Variants in SHISA2 observed in about 807,000 individuals in gnomAD.
The protein encoded by SHISA2 is shisa family member 2, also known as protein shisa-2 homolog.
A neutral mutation model predicts 23.8 loss-of-function variants in SHISA2; 16 were observed. That is an observed-to-expected ratio of 0.67 (90% CI 0.46 to 1.02). The LOEUF (loss-of-function observed/expected upper bound fraction) is 1.02. Ranked by LOEUF, SHISA2 falls within the 50% of genes least tolerant of loss-of-function variation. The pLI, the probability that SHISA2 is intolerant of heterozygous loss-of-function variation, is 0.00. For missense variants in SHISA2, 459 were observed against 420.1 expected (o/e 1.09, Z -0.81); for synonymous variants, 201 against 178.6 (o/e 1.13, Z -1.00).
Position 26,045,723 on chromosome 13 carries a change from C to T in SHISA2, c.*790G>A, listed in dbSNP as rs901327419. ...GATGACTGATCTCACAGAGTTCAAA[C>T]AGGTTTCCTTTTAGAATAGTCCTGT... On this transcript the variant is annotated 3_prime_UTR_variant, in exon 2 of 2. Transcript: ENST00000319420. 2.0e-5 allele frequency: 3 copies of T among 151,860 alleles called. No individual in the cohort carries two copies. Among genetic ancestry groups the T allele is most frequent in the African/African-American group, 7.3e-5 (3 of 41,284 alleles). 9.4% of individuals were successfully genotyped at this position (151,860 alleles called of 1,614,324 possible).
rs1957300141 is a variant in SHISA2, at chr13:26,051,000, G to A, written c.-25C>T. On this transcript the variant is annotated 5_prime_UTR_variant, in exon 1 of 2. Coordinates refer to ENST00000319420, the MANE Select transcript of SHISA2 (RefSeq NM_001007538.2). ...TGGCACCACCCTGGGCGCGGACAGC[G>A]CGTCTCCAGAGAGCGCAGGACGGTC... The A allele has an allele frequency of 1.4e-6, 2 of 1,476,976 alleles. No homozygotes were observed. The highest frequency in any genetic ancestry group is 2.8e-5 in the East Asian group (1 of 35,774). 91.5% of individuals were successfully genotyped at this position (1,476,976 alleles called of 1,614,324 possible). A position where few individuals can be genotyped will look rare whatever the true frequency, so the allele number is the denominator to read the frequency against.
chr13:26,046,817 G>A lies in SHISA2; in HGVS notation c.584C>T (p.Ala195Val), dbSNP rs1484278155. ...CTGTGACCTTGTTGGGGGCGCCCGG[G>A]CCCCTGAGTTGGCGCTGGAGCTGGA... ...ASSSSSANSG[A>V]RAPPTRSQTN... Residue 195 changes from alanine (A) to valine (V), a missense_variant, in exon 2 of 2, where the codon GCC becomes GTC. Physicochemically the swap from Ala to Val is moderately conservative, Grantham distance 64. Coordinates refer to ENST00000319420, the MANE Select transcript of SHISA2 (RefSeq NM_001007538.2). 9 of 1,614,162 alleles carry A rather than the reference G, an allele frequency of 5.6e-6. No homozygotes were observed. Among genetic ancestry groups the A allele is most frequent in the Middle Eastern group, 1.6e-4 (1 of 6,062 alleles).
rs952767076 is a variant in SHISA2 at position 26,051,258 on chromosome 13, C to G, written c.-283G>C. On this transcript the variant is annotated 5_prime_UTR_variant, in exon 1 of 2. Coordinates refer to ENST00000319420, the MANE Select transcript of SHISA2 (RefSeq NM_001007538.2). ...TCTCGGGATGCAGTCAGAAGGCCCC[C>G]GGGGCTGTCGTCCGGAAGCCTCTGG... Among the ~76,000 whole-genome samples, 18 of 152,174 alleles carry G rather than the reference C, an allele frequency of 1.2e-4. No homozygotes were observed. The highest frequency in any genetic ancestry group is 4.1e-4 in the African/African-American group (17 of 41,452).
chr13:26,046,678 C>G lies in SHISA2; in HGVS notation c.723G>C (p.Gln241His). ...QATQIVPHQGQYLHPPYVGYT... is the reference protein window; with the variant it reads ...QATQIVPHQGHYLHPPYVGYT... ...ACCCCACGTATGGGGGATGCAGATACTGCCCTTGATGTGGCACAATCTGGG... is the reference window on the plus strand; with the variant it reads ...ACCCCACGTATGGGGGATGCAGATAGTGCCCTTGATGTGGCACAATCTGGG... The change falls in exon 2 of 2, where the codon CAG (glutamine) becomes CAC (histidine). Residue 241 changes from glutamine (Q) to histidine (H), a missense_variant. Physicochemically the swap from Gln to His is conservative, Grantham distance 24 (BLOSUM62 0). Transcript: ENST00000319420. The G allele has an allele frequency of 6.2e-7, 1 of 1,614,240 alleles. No homozygotes were observed. Among genetic ancestry groups the G allele is most frequent in the Non-Finnish European group, 8.5e-7 (1 of 1,180,042 alleles).
chr13:26,047,910 G>A (rs757416829), intron 1 of SHISA2, among the ~76,000 whole-genome samples: 7 of 152,092 alleles, frequency 4.6e-5, no homozygotes, highest in African/African-American at 1.2e-4. Flanking sequence ...ATAAAGCAAC[G>A]GCCATCACAC....
Position 26,050,829 on chromosome 13 carries a change from G to A in SHISA2, c.147C>T (p.Arg49=). 1 of 1,536,976 alleles carries A rather than the reference G, an allele frequency of 6.5e-7. No individual in the cohort carries two copies. The highest frequency in any genetic ancestry group is 1.2e-5 in the South Asian group (1 of 83,822). ...HGWLDAQGVW[R]IGFQCPERFD... ...AGCGCTCGGGACACTGGAAGCCGAT[G>A]CGCCAGACGCCCTGCGCGTCCAGCC... The change falls in exon 1 of 2, where the codon CGC becomes CGT. Residue 49 remains arginine, a synonymous_variant. Transcript: ENST00000319420.
chr13:26,051,760 G>C lies in SHISA2; in HGVS notation c.-785C>G, dbSNP rs1318097955. On this transcript the variant is annotated 5_prime_UTR_variant, in exon 1 of 2. Transcript: ENST00000319420. ...CCAGCTGGCGGCGGCCGCGGCTGCT[G>C]CTGGGCGCGGATCCAGGCGGGCGGC... 2.6e-5 allele frequency among the ~76,000 whole-genome samples: 4 copies of C among 152,100 alleles called. No homozygotes were observed. Among genetic ancestry groups the C allele is most frequent in the African/African-American group, 9.7e-5 (4 of 41,438 alleles).
chr13:26,049,771 G>A (rs1413155070), intron 1 of SHISA2, among the ~76,000 whole-genome samples: 6 of 151,538 alleles, frequency 4.0e-5, no homozygotes, highest in Non-Finnish European at 8.8e-5. Flanking sequence ...AGCCTCCCAG[G>A]TAAACACAAC....
chr13:26,049,863 A>AACACACAC (rs57979033), intron 1 of SHISA2, among the ~76,000 whole-genome samples: 15,278 of 135,794 alleles, frequency 0.11, 1,170 homozygotes, highest in Non-Finnish European at 0.14. Context: ...CGAAATAAAT[A>AACACACAC]ACACACACAC....
At chr13:26,049,671 C>T (rs4770907) in intron 1 of SHISA2, among the ~76,000 whole-genome samples, 64,911 of 151,850 alleles carry the variant, frequency 0.43, 14,440 homozygotes, top group East Asian at 0.56. Flanking sequence ...AGCTGTCTCT[C>T]ACGAGGTCCT....
At chr13:26,050,277 C>T (rs978636994) in intron 1 of SHISA2, among the ~76,000 whole-genome samples, 1 of 152,146 alleles carries the variant, frequency 6.6e-6, no homozygotes, top group African/African-American at 2.4e-5. Context: ...CGGGTGGGGG[C>T]GCACCCTCGC....
Position 26,046,786 on chromosome 13 carries a change from G to C in SHISA2, c.615C>G (p.Asn205Lys). 1.2e-6 allele frequency: 2 copies of C among 1,614,198 alleles called. No individual in the cohort carries two copies. The highest frequency in any genetic ancestry group is 2.2e-5 in the South Asian group (2 of 91,082). Residue 205 changes from asparagine to lysine, a missense_variant, in exon 2 of 2, where the codon AAC becomes AAG. By Grantham distance (94) the Asn-to-Lys change is moderately conservative. Transcript: ENST00000319420. ...TCATGGTCCCTTCCGGCAAGCAACA[G>C]TTGGTCTGTGACCTTGTTGGGGGCG... ...ARAPPTRSQT[N>K]CCLPEGTMNN...
chr13:26,050,660 C>T lies in SHISA2; in HGVS notation c.316G>A (p.Gly106Ser). ...GCCCTACCTGCCGAGCCGTCGGGGC[C>T]GTCTTTGTCCGCCCGGCCAGGCTCG... ...AGEPGRADKD[G>S]PDGSAVPIYV... The change falls in exon 1 of 2, where the codon GGC (glycine) becomes AGC (serine). Residue 106 changes from glycine (G) to serine (S), a missense_variant. Physicochemically the swap from Gly to Ser is moderately conservative, Grantham distance 56. Transcript: ENST00000319420. 7.0e-7 allele frequency: 1 copy of T among 1,431,724 alleles called. No homozygotes were observed. The highest frequency in any genetic ancestry group is 9.1e-7 in the Non-Finnish European group (1 of 1,101,968). The allele number at this position is 1,431,724 out of a possible 1,614,324, so 88.7% of individuals were successfully genotyped here.
chr13:26,046,182 C>A lies in SHISA2; in HGVS notation c.*331G>T. On this transcript the variant is annotated 3_prime_UTR_variant, in exon 2 of 2. Coordinates refer to ENST00000319420, the MANE Select transcript of SHISA2 (RefSeq NM_001007538.2). ...AACAAAAAAGAAATAATAATAACAACATAATAAAAATCCTTAATTTATCAG... is the reference window on the plus strand; with the variant it reads ...AACAAAAAAGAAATAATAATAACAAAATAATAAAAATCCTTAATTTATCAG... The A allele has an allele frequency of 5.5e-6, 1 of 181,692 alleles. No individual in the cohort carries two copies. The highest frequency in any genetic ancestry group is 1.1e-5 in the Non-Finnish European group (1 of 88,676). The allele number at this position is 181,692 out of a possible 1,614,324, so 11.3% of individuals were successfully genotyped here.
At chr13:26,049,427 A>G (rs1357607336) in intron 1 of SHISA2, among the ~76,000 whole-genome samples, 1 of 152,128 alleles carries the variant, frequency 6.6e-6, no homozygotes, top group African/African-American at 2.4e-5. Flanking sequence ...AGCCATCCCA[A>G]CTTTTTGGAG....
At chr13:26,048,479 A>T (rs1359710467) in intron 1 of SHISA2, among the ~76,000 whole-genome samples, 1 of 152,134 alleles carries the variant, frequency 6.6e-6, no homozygotes, top group Non-Finnish European at 1.5e-5. Flanking sequence ...TGTTACCAAG[A>T]GCCTGCATTT....
chr13:26,048,467 T>C (rs968585114), intron 1 of SHISA2, among the ~76,000 whole-genome samples: 4 of 152,138 alleles, frequency 2.6e-5, no homozygotes, highest in East Asian at 1.9e-4. Context: ...AATTCTACCC[T>C]ATGTTACCAA....
At position 26,051,423 on chromosome 13, in the gene SHISA2, T is replaced by C. The variant is rs753322738; in HGVS notation, c.-448A>G. ...TAAGCCTCAGGGTCCCGCGCGCGAA[T>C]CAGGGCCCGTCTCCCCTCCTTTATT... On this transcript the variant is annotated 5_prime_UTR_variant, in exon 1 of 2. Transcript: ENST00000319420. 1.3e-5 allele frequency among the ~76,000 whole-genome samples: 2 copies of C among 152,098 alleles called. No individual in the cohort carries two copies. The highest frequency in any genetic ancestry group is 2.9e-5 in the Non-Finnish European group (2 of 68,018).
In SHISA2 at chr13:26,044,616, A is replaced by G. The variant is rs1435132842; in HGVS notation, c.*1897T>C. 1 of 152,256 alleles carries G rather than the reference A, an allele frequency of 6.6e-6. No homozygotes were observed. Among genetic ancestry groups the G allele is most frequent in the African/African-American group, 2.4e-5 (1 of 41,476 alleles). The allele number at this position is 152,256 out of a possible 1,614,324, so 9.4% of individuals were successfully genotyped here. A position where few individuals can be genotyped will look rare whatever the true frequency, so the allele number is the denominator to read the frequency against. ...TAGGAATTCACATCATAAAATATTTATTAATAAGTAAAATGATTTTCCCCT... is the reference window on the plus strand; with the variant it reads ...TAGGAATTCACATCATAAAATATTTGTTAATAAGTAAAATGATTTTCCCCT... On this transcript the variant is annotated 3_prime_UTR_variant, in exon 2 of 2. Transcript: ENST00000319420.
Sources: allele counts gnomAD v4.1 joint callset (sites outside exome capture counted in the v4.1 genomes callset), GRCh38; gene constraint gnomAD v4.1.1; transcripts MANE v1.5; gene names NCBI Gene and HGNC (gene_info 2026-07-23, HGNC 2026-07-21).